Variants in FHIT observed in about 807,000 individuals in gnomAD.
FHIT encodes the protein fragile histidine triad diadenosine triphosphatase.
Under a neutral mutation model 17.9 loss-of-function variants are expected in FHIT, and 19 were observed. The ratio of observed to expected loss-of-function variants is 1.06; its 90% CI spans 0.74 to 1.56. The LOEUF is 1.56. Among genes scored for constraint, FHIT ranks in the 40% most tolerant of loss-of-function variants. The pLI is 0.00. For missense variants in FHIT, 248 were observed against 189.2 expected, an observed-to-expected ratio of 1.31 and a Z score of -1.82; for synonymous variants, 81 against 69.7, an observed-to-expected ratio of 1.16 and a Z score of -0.81.
At chr3:60,137,038 C>T (rs1699844645) in intron 5 of FHIT, among the ~76,000 whole-genome samples, 1 of 152,064 alleles carries the variant, frequency 6.6e-6, no homozygotes, top group Non-Finnish European at 1.5e-5. Context: ...AGCATGAATA[C>T]CTCCAAGGAG....
intron 7 of FHIT, among the ~76,000 whole-genome samples, chr3:59,943,233 GAA>G (rs1706620469): frequency 6.6e-6 from 1 of 152,122 alleles, no homozygotes; most frequent in Non-Finnish European, 1.5e-5. Flanking sequence ...TCAGGGCTTT[GAA>G]AAGGAGAAGG....
At chr3:59,867,527 AATG>A (rs552319841) in intron 8 of FHIT, among the ~76,000 whole-genome samples, 10 of 152,196 alleles carry the variant, frequency 6.6e-5, no homozygotes, top group African/African-American at 2.4e-4. Flanking sequence ...CTATCACTGA[AATG>A]ATGACTTCAC....
At position 59,863,138 on chromosome 3, in the gene FHIT, T is replaced by C. The variant is rs201961552; in HGVS notation, c.348+59208A>G. Reference sequence around the variant, plus strand: ...GCAACAGGGCCCTTTTAAGGTGAGATATTTAGAAACCTGGGTCAATGCTTG... The same window carrying C: ...GCAACAGGGCCCTTTTAAGGTGAGACATTTAGAAACCTGGGTCAATGCTTG... On this transcript the variant is annotated intron_variant, in intron 8 of 9. Transcript: ENST00000492590. Among the ~76,000 whole-genome samples the C allele has an allele frequency of 3.9e-5, 6 of 152,214 alleles. No individual in the cohort carries two copies. The South Asian group carries it at 6.2e-4, about 16-fold the overall frequency.
intron 5 of FHIT, among the ~76,000 whole-genome samples, chr3:60,462,588 G>C (rs751917079): frequency 6.6e-6 from 1 of 152,164 alleles, no homozygotes; most frequent in Non-Finnish European, 1.5e-5. Flanking sequence ...AGAGAGGAGG[G>C]AAGAGCATCG....
intron 5 of FHIT, among the ~76,000 whole-genome samples, chr3:60,232,469 C>A (rs965140856): frequency 6.6e-6 from 1 of 152,106 alleles, no homozygotes; most frequent in Non-Finnish European, 1.5e-5. Context: ...TCATTTGTCT[C>A]CTCTTTTTCT....
chr3:61,110,677 C>T (rs1003046259), intron 2 of FHIT, among the ~76,000 whole-genome samples: 12 of 152,134 alleles, frequency 7.9e-5, no homozygotes, highest in African/African-American at 2.9e-4. Context: ...ACTAAAAACT[C>T]ATCCGTCACT....
At chr3:60,481,101 CAA>C (rs889229838) in intron 5 of FHIT, among the ~76,000 whole-genome samples, 1 of 151,992 alleles carries the variant, frequency 6.6e-6, no homozygotes, top group African/African-American at 2.4e-5. Context: ...TGGAAATTCC[CAA>C]AGAGTTCCAC....
rs114692249 is a variant in FHIT at position 60,262,395 on chromosome 3, A to G, written c.104-248243T>C. 5.4e-3 allele frequency among the ~76,000 whole-genome samples: 820 copies of G among 152,166 alleles called. 5 individuals carry two copies. Among genetic ancestry groups the G allele is most frequent in the Middle Eastern group, 0.02 (6 of 294 alleles). The stretch of plus-strand genomic sequence containing the variant: ...AACTTTACCTGAGCCCTGTGCTTGC[A>G]GAAAAGTGATGGTTAACAACCACCC... On this transcript the variant is annotated intron_variant, in intron 5 of 9. Transcript: ENST00000492590.
intron 5 of FHIT, among the ~76,000 whole-genome samples, chr3:60,031,850 A>G (rs149504033): frequency 0.011 from 1,653 of 152,310 alleles, 25 homozygotes; most frequent in African/African-American, 0.036. Flanking sequence ...TATTTTTACT[A>G]ATTTTTAACT....
chr3:61,240,999 T>C (rs2106920144), intron 1 of FHIT, among the ~76,000 whole-genome samples: 1 of 152,316 alleles, frequency 6.6e-6, no homozygotes, highest in South Asian at 2.1e-4. Flanking sequence ...GTAGACTACA[T>C]CCAGTGAAAA....
intron 5 of FHIT, among the ~76,000 whole-genome samples, chr3:60,290,191 G>A (rs1172105521): frequency 6.6e-6 from 1 of 152,138 alleles, no homozygotes; most frequent in Non-Finnish European, 1.5e-5. Flanking sequence ...AATGCTAGGA[G>A]ATATTCCAAC....
chr3:60,820,360 G>A (rs1280274843), intron 4 of FHIT, among the ~76,000 whole-genome samples: 3 of 151,940 alleles, frequency 2.0e-5, no homozygotes, highest in South Asian at 2.1e-4. Flanking sequence ...AATAACAAAA[G>A]GATCAAATAA....
chr3:60,295,344 T>C (rs1215085434), intron 5 of FHIT, among the ~76,000 whole-genome samples: 1 of 152,124 alleles, frequency 6.6e-6, no homozygotes, highest in African/African-American at 2.4e-5. Flanking sequence ...CTGCAGGGTT[T>C]ACAAGCAGCA....
intron 2 of FHIT, among the ~76,000 whole-genome samples, chr3:61,102,797 C>T (rs968653490): frequency 1.3e-5 from 2 of 151,944 alleles, no homozygotes; most frequent in Non-Finnish European, 1.5e-5. Flanking sequence ...TGTATGTGTC[C>T]AGGAATTTAT....
At chr3:60,999,384 C>G (rs1158790832) in intron 3 of FHIT, among the ~76,000 whole-genome samples, 3 of 151,634 alleles carry the variant, frequency 2.0e-5, no homozygotes, top group Non-Finnish European at 4.4e-5. Context: ...AGCTACAGTT[C>G]TTAGCTTATA....
chr3:60,861,811 A>T (rs114505649), intron 3 of FHIT, among the ~76,000 whole-genome samples: 1,555 of 152,176 alleles, frequency 0.01, 24 homozygotes, highest in African/African-American at 0.035. Flanking sequence ...ATCCTTTTTT[A>T]AAAAAGCTAG....
chr3:60,996,559 CA>C (rs1475784408), intron 3 of FHIT, among the ~76,000 whole-genome samples: 1 of 152,136 alleles, frequency 6.6e-6, no homozygotes, highest in Non-Finnish European at 1.5e-5. Flanking sequence ...AAGCTTTGGT[CA>C]TGAAAAATCG....
Position 61,134,396 on chromosome 3 carries a change from G to T in FHIT, c.-164+66221C>A, listed in dbSNP as rs542292616. Reference sequence around the variant, plus strand: ...TAAGTATTTGTTGAGCTTCTACTATGGTCCAAGCATTCTATATTGGAAGTA... The same window carrying T: ...TAAGTATTTGTTGAGCTTCTACTATTGTCCAAGCATTCTATATTGGAAGTA... On this transcript the variant is annotated intron_variant, in intron 2 of 9. Transcript: ENST00000492590. 4.6e-5 allele frequency among the ~76,000 whole-genome samples: 7 copies of T among 152,268 alleles called. No individual in the cohort carries two copies. In the South Asian group the frequency reaches 1.0e-3, roughly 23 times the overall value.
intron 2 of FHIT, among the ~76,000 whole-genome samples, chr3:61,134,970 A>T (rs1321156756): frequency 6.6e-6 from 1 of 152,172 alleles, no homozygotes. Flanking sequence ...GACTCCCAGC[A>T]TAAGAGATGC....
Sources: gnomAD v4.1 joint callset for allele counts (sites outside exome capture counted in the v4.1 genomes callset) on GRCh38, gnomAD v4.1.1 for gene constraint, MANE v1.5 for transcripts, NCBI Gene and HGNC (gene_info 2026-07-23, HGNC 2026-07-21) for gene names.